RPS24: variants seen among roughly 807,000 people sequenced by gnomAD.
RPS24 encodes ribosomal protein S24.
For missense variants in RPS24, 100 were observed against 162.5 expected (o/e 0.62, Z 2.09); for synonymous variants, 72 against 55.6 (o/e 1.30, Z -1.31).
chr10:78,046,346 C>CTAT (rs1293114965), intron 4 of RPS24, among the ~76,000 whole-genome samples: 2 of 126,154 alleles, frequency 1.6e-5, no homozygotes, highest in Non-Finnish European at 3.2e-5. Flanking sequence ...TCTCATTTAC[C>CTAT]TTTTTTTTTT....
chr10:78,054,685 T>G, exon 5 of RPS24: 2 of 1,551,634 alleles, frequency 1.3e-6, no homozygotes, highest in Non-Finnish European at 1.7e-6. Context: ...TGTGGCAGAT[T>G]GCGGAGGGGC....
downstream of RPS24, chr10:78,040,731 C>T: frequency 6.6e-7 from 1 of 1,506,458 alleles, no homozygotes; most frequent in Admixed American, 1.7e-5. Context: ...TTTGCAGTTT[C>T]CTGGGACTGC....
chr10:78,040,438 T>C, intron 5 of RPS24, 177 bp from the exon 6 acceptor site: 2 of 720,486 alleles, frequency 2.8e-6, no homozygotes, highest in East Asian at 2.7e-5. Context: ...ATTCTTAACT[T>C]GAATGTTTGT....
At chr10:78,042,095 A>G (rs1426634447), downstream of RPS24, among the ~76,000 whole-genome samples, 1 of 152,182 alleles carries the variant, frequency 6.6e-6, no homozygotes, top group African/African-American at 2.4e-5. Flanking sequence ...AACTTGGCAA[A>G]TTTTACGTAA....
At chr10:78,037,083 G>GT in intron 3 of RPS24, 111 bp from the exon 4 acceptor site, 1 of 1,375,390 alleles carries the variant, frequency 7.3e-7, no homozygotes, top group Admixed American at 2.2e-5. Flanking sequence ...AAAAGTTTTG[G>GT]TTTAGAAAGC....
rs773201453 is a variant in RPS24 at position 78,037,282 on chromosome 10, C to G, written c.368C>G (p.Ala123Gly). Residue 123 changes from alanine to glycine, a missense_variant, in exon 4 of 6, where the codon GCC (alanine) becomes GGC (glycine). By Grantham distance (60) the Ala-to-Gly change is moderately conservative. Coordinates refer to ENST00000372360, the MANE Select transcript of RPS24 (RefSeq NM_033022.4). ...RMKKVRGTAKANVGAGKK is the reference protein window; with the variant it reads ...RMKKVRGTAKGNVGAGKK ...AAGAAAGTCAGGGGGACTGCAAAGG[C>G]CAATGTTGGTGCTGGCAAAAAGGTA... 2 of 1,604,766 alleles carry G rather than the reference C, an allele frequency of 1.2e-6. No homozygotes were observed. Among genetic ancestry groups the G allele is most frequent in the Non-Finnish European group, 1.7e-6 (2 of 1,175,444 alleles).
chr10:78,038,435 G>T (rs1847923035), intron 4 of RPS24: 1 of 152,484 alleles, frequency 6.6e-6, no homozygotes, highest in African/African-American at 2.4e-5. Context: ...AAACTAGTCT[G>T]TGAAATCTGG....
At chr10:78,045,626 C>T (rs1485253070), downstream of RPS24, among the ~76,000 whole-genome samples, 1 of 151,868 alleles carries the variant, frequency 6.6e-6, no homozygotes, top group Non-Finnish European at 1.5e-5. Context: ...GAACTACAGG[C>T]GCCTGCCACC....
intron 1 of RPS24, 33 bp downstream of exon 1, chr10:78,033,937 C>G (rs761133005): frequency 6.2e-7 from 1 of 1,613,646 alleles, no homozygotes; most frequent in East Asian, 2.2e-5. Flanking sequence ...AGTCATCTGC[C>G]GCGTATCCGA....
chr10:78,041,085 C>G (rs570662364), downstream of RPS24, among the ~76,000 whole-genome samples: 1 of 152,184 alleles, frequency 6.6e-6, no homozygotes, highest in African/African-American at 2.4e-5. Flanking sequence ...AGCGATCCTC[C>G]TACCTTGGCC....
In RPS24 at chr10:78,047,832, C is replaced by T. The variant is rs915394838; in HGVS notation, c.391-6699C>T. On this transcript the variant is annotated intron_variant, in intron 4 of 4. Transcript: ENST00000440692. ...CCCCAGCAGCCCGATTCTGCTTCAGCCTTCTGCCTACAGTGCTATGCCTCT... is the reference window on the plus strand; with the variant it reads ...CCCCAGCAGCCCGATTCTGCTTCAGTCTTCTGCCTACAGTGCTATGCCTCT... 3.3e-5 allele frequency among the ~76,000 whole-genome samples: 5 copies of T among 152,336 alleles called. No individual in the cohort carries two copies. The East Asian group carries it at 7.7e-4, about 24-fold the overall frequency.
At chr10:78,046,038 CAG>C (rs1308316244) in intron 4 of RPS24, among the ~76,000 whole-genome samples, 1 of 151,960 alleles carries the variant, frequency 6.6e-6, no homozygotes, top group Non-Finnish European at 1.5e-5. Flanking sequence ...CCCCAGTTTT[CAG>C]AGTTAGTAGA....
intron 2 of RPS24, 47 bp downstream of exon 2, chr10:78,035,464 A>G: frequency 6.2e-7 from 1 of 1,613,134 alleles, no homozygotes; most frequent in South Asian, 1.1e-5. Context: ...TTTACTCTAA[A>G]GATGTATTTT....
intron 4 of RPS24, chr10:78,039,928 A>G (rs1847956337): frequency 1.9e-6 from 1 of 523,482 alleles, no homozygotes; most frequent in South Asian, 2.0e-5. Context: ...CCTGGGTACC[A>G]CATTGGCTTA....
intron 4 of RPS24, chr10:78,039,959 T>TC (rs1847957233): frequency 5.2e-6 from 3 of 581,684 alleles, no homozygotes; most frequent in Non-Finnish European, 9.4e-6. Context: ...CATTGTGAAG[T>TC]CCGGCTACCT....
chr10:78,037,241 A>G lies in RPS24; in HGVS notation c.327A>G (p.Glu109=). ...KKKTSRKQRK[E]RKNRMKKVRG... Reference sequence around the variant, plus strand: ...AGACCTCAAGAAAGCAACGAAAGGAACGCAAGAACAGAATGAAGAAAGTCA... The same window carrying G: ...AGACCTCAAGAAAGCAACGAAAGGAGCGCAAGAACAGAATGAAGAAAGTCA... Residue 109 remains glutamate (E), a synonymous_variant, in exon 4 of 6, where the codon GAA becomes GAG. Coordinates refer to ENST00000372360, the MANE Select transcript of RPS24 (RefSeq NM_033022.4). The G allele has an allele frequency of 6.2e-7, 1 of 1,608,518 alleles. No individual in the cohort carries two copies. The highest frequency in any genetic ancestry group is 8.5e-7 in the Non-Finnish European group (1 of 1,177,438).
downstream of RPS24, among the ~76,000 whole-genome samples, chr10:78,042,136 A>G (rs1310271115): frequency 3.9e-5 from 6 of 152,270 alleles, no homozygotes; most frequent in African/African-American, 1.4e-4. Context: ...TTGAAATACC[A>G]GAAGCAGCAG....
downstream of RPS24, among the ~76,000 whole-genome samples, chr10:78,044,415 G>T (rs1425766220): frequency 2.0e-5 from 3 of 152,148 alleles, no homozygotes; most frequent in African/African-American, 7.2e-5. Context: ...AAGATGGAAG[G>T]CCCTACATGA....
chr10:78,045,413 A>G (rs1341104726), downstream of RPS24, among the ~76,000 whole-genome samples: 4 of 151,992 alleles, frequency 2.6e-5, no homozygotes, highest in South Asian at 2.1e-4. Flanking sequence ...CTGGGCTTCT[A>G]TTTCCCTCCC....
Sources: gnomAD v4.1 joint callset for allele counts (sites outside exome capture counted in the v4.1 genomes callset) on GRCh38, gnomAD v4.1.1 for gene constraint, MANE v1.5 for transcripts, NCBI Gene and HGNC (gene_info 2026-07-23, HGNC 2026-07-21) for gene names.